Variants in CELF2 observed in about 807,000 individuals in gnomAD.
The protein encoded by CELF2 is CUG triplet repeat RNA-binding protein 2.
A neutral mutation model predicts 62.6 loss-of-function variants in CELF2; 8 were observed. That is an observed-to-expected ratio of 0.13 (90% confidence interval 0.07 to 0.23). The LOEUF is 0.23. Among genes scored for constraint, CELF2 ranks in the 10% least tolerant of loss-of-function variants. The pLI is 1.00. For synonymous variants in CELF2, 258 were observed against 250.0 expected (o/e 1.03, Z -0.30); for missense variants, 333 against 671.0 (o/e 0.50, Z 5.56).
chr10:11,051,308 A>G (rs765788809), intron 1 of CELF2, among the ~76,000 whole-genome samples: 4 of 152,244 alleles, frequency 2.6e-5, no homozygotes, highest in Non-Finnish European at 4.4e-5. Flanking sequence ...TTCACTTGAA[A>G]TGCTTCCTTA....
At chr10:10,620,775 A>G in the CELF2 span, among the ~76,000 whole-genome samples, 54 of 147,842 alleles carry the variant, frequency 3.7e-4, no homozygotes, top group African/African-American at 7.1e-4. Context: ...GAGTGGTGGC[A>G]GGCGCCTGTA....
the CELF2 span, among the ~76,000 whole-genome samples, chr10:10,621,749 T>C: frequency 2.0e-5 from 3 of 152,182 alleles, no homozygotes; most frequent in Non-Finnish European, 4.4e-5. Flanking sequence ...AACAAATATA[T>C]TTATTAAGAG....
At chr10:11,323,081 G>T (rs369096852) in intron 11 of CELF2, among the ~76,000 whole-genome samples, 1 of 151,624 alleles carries the variant, frequency 6.6e-6, no homozygotes, top group Non-Finnish European at 1.5e-5. Flanking sequence ...AACATGTTTC[G>T]AAACAACATG....
intron 2 of CELF2, among the ~76,000 whole-genome samples, chr10:11,184,620 T>C (rs1424599604): frequency 1.3e-5 from 2 of 152,250 alleles, no homozygotes; most frequent in Non-Finnish European, 2.9e-5. Flanking sequence ...TGCATATCCC[T>C]AGTCAGATTT....
the CELF2 span, among the ~76,000 whole-genome samples, chr10:10,600,479 A>G: frequency 5.3e-5 from 8 of 152,236 alleles, no homozygotes; most frequent in African/African-American, 1.7e-4. Context: ...AAACAGAGAC[A>G]TGGAAGTTAC....
intron 11 of CELF2, 122 bp from the exon 12 acceptor site, chr10:11,325,714 T>G: frequency 1.2e-6 from 1 of 806,416 alleles, no homozygotes; most frequent in Non-Finnish European, 1.9e-6. Flanking sequence ...TTGACATTTA[T>G]CCATCTGTTT....
At chr10:10,624,941 T>C in the CELF2 span, among the ~76,000 whole-genome samples, 1 of 152,326 alleles carries the variant, frequency 6.6e-6, no homozygotes, top group Admixed American at 6.5e-5. Context: ...TAAAATAAGA[T>C]GTCACACGAA....
At chr10:11,034,037 A>G (rs1661717763) in intron 1 of CELF2, among the ~76,000 whole-genome samples, 1 of 152,232 alleles carries the variant, frequency 6.6e-6, no homozygotes, top group Non-Finnish European at 1.5e-5. Context: ...TAAGTCTCAT[A>G]TAATGTGCTA....
chr10:10,691,572 G>A, the CELF2 span, among the ~76,000 whole-genome samples: 3 of 151,996 alleles, frequency 2.0e-5, no homozygotes, highest in Non-Finnish European at 4.4e-5. Flanking sequence ...GATCCCTGAG[G>A]AATCACCACA....
chr10:11,235,307 T>A (rs2070778783), intron 3 of CELF2, among the ~76,000 whole-genome samples: 1 of 152,220 alleles, frequency 6.6e-6, no homozygotes, highest in African/African-American at 2.4e-5. Flanking sequence ...CTTTACTCCT[T>A]AACATAAAAT....
chr10:11,212,005 C>T (rs899841774), intron 2 of CELF2, among the ~76,000 whole-genome samples: 15 of 152,098 alleles, frequency 9.9e-5, no homozygotes, highest in African/African-American at 3.6e-4. Context: ...AGCGAGACAC[C>T]AGCTACCCTG....
At chr10:11,048,867 T>C (rs1292413571) in intron 1 of CELF2, among the ~76,000 whole-genome samples, 2 of 152,226 alleles carry the variant, frequency 1.3e-5, no homozygotes, top group Admixed American at 1.3e-4. Context: ...ATACTCTGAG[T>C]GCAGAATACC....
the CELF2 span, among the ~76,000 whole-genome samples, chr10:10,538,342 G>A: frequency 6.6e-6 from 1 of 152,180 alleles, no homozygotes; most frequent in African/African-American, 2.4e-5. Context: ...TGCATTCAAT[G>A]GAGCTCAGCC....
the CELF2 span, among the ~76,000 whole-genome samples, chr10:10,695,810 G>A: frequency 1.3e-5 from 2 of 151,738 alleles, no homozygotes; most frequent in Non-Finnish European, 2.9e-5. Flanking sequence ...GGCTCCTGAG[G>A]CTTCTGCATT....
At chr10:11,043,924 A>G (rs772847165) in intron 1 of CELF2, among the ~76,000 whole-genome samples, 2 of 152,188 alleles carry the variant, frequency 1.3e-5, no homozygotes, top group Non-Finnish European at 2.9e-5. Context: ...CAGTTCCAGC[A>G]TCTTACATTT....
rs2072251743 is a variant in CELF2, at chr10:11,178,921, C to T, written c.271+13239C>T. Among the ~76,000 whole-genome samples the T allele has an allele frequency of 1.3e-5, 2 of 152,222 alleles. No individual in the cohort carries two copies. Among genetic ancestry groups the T allele is most frequent in the Admixed American group, 6.5e-5 (1 of 15,284 alleles). ...CGATGAAAATGCTGTATTTTTAGAACACTTCAAAGTCAGGAAACCGTTAAA... is the reference window on the plus strand; with the variant it reads ...CGATGAAAATGCTGTATTTTTAGAATACTTCAAAGTCAGGAAACCGTTAAA... On this transcript the variant is annotated intron_variant, in intron 2 of 12. Coordinates refer to ENST00000633077, the MANE Select transcript of CELF2 (RefSeq NM_001326342.2). The surrounding 1 kb of genome is among the most constrained non-coding windows in gnomAD (Gnocchi z 4.3).
At chr10:10,781,025 C>T in the CELF2 span, among the ~76,000 whole-genome samples, 1 of 152,124 alleles carries the variant, frequency 6.6e-6, no homozygotes, top group Non-Finnish European at 1.5e-5. Flanking sequence ...CAGAAATGCT[C>T]AGAAAGCAAA....
intron 8 of CELF2, among the ~76,000 whole-genome samples, chr10:11,277,403 T>A (rs1250763395): frequency 1.3e-5 from 2 of 152,138 alleles, no homozygotes; most frequent in Non-Finnish European, 2.9e-5. Context: ...CCCAGAGCCC[T>A]TTCCTCCCTT....
chr10:11,216,697 C>T lies in CELF2; in HGVS notation c.272-728C>T, dbSNP rs143284051. The stretch of plus-strand genomic sequence containing the variant: ...GAAAAAGGATATATGCTGGCCTGCG[C>T]GGAAGGGCCGGGGACTCCCACAGGC... On this transcript the variant is annotated intron_variant, in intron 2 of 12. Coordinates refer to ENST00000633077, the MANE Select transcript of CELF2 (RefSeq NM_001326342.2). Among the ~76,000 whole-genome samples, 1,018 of 152,280 alleles carry T rather than the reference C, an allele frequency of 6.7e-3. 10 individuals are homozygous for T. Among genetic ancestry groups the T allele is most frequent in the African/African-American group, 0.023 (953 of 41,542 alleles).
Sources: allele counts gnomAD v4.1 joint callset (sites outside exome capture counted in the v4.1 genomes callset), GRCh38; gene constraint gnomAD v4.1.1; non-coding constraint Gnocchi (gnomAD v3.1); transcripts MANE v1.5; gene names NCBI Gene and HGNC (gene_info 2026-07-23, HGNC 2026-07-21).